The following MECOM variants were observed in gnomAD, a reference collection of about 807,000 sequenced individuals.
MECOM encodes MDS1 and EVI1 complex locus.
Under a neutral mutation model 116.3 loss-of-function variants are expected in MECOM, and 13 were observed. That is an observed-to-expected ratio of 0.11 (90% CI 0.07 to 0.18). The LOEUF (loss-of-function observed/expected upper bound fraction) is 0.18. Among genes scored for constraint, MECOM ranks in the 10% least tolerant of loss-of-function variants. The probability of loss-of-function intolerance (pLI) is 1.00; values close to 1 mark genes in which losing one functional copy is unlikely to be tolerated. For missense variants in MECOM, 1,299 were observed against 1,509.0 expected, an observed-to-expected ratio of 0.86 and a Z score of 2.31; for synonymous variants, 528 against 535.2, an observed-to-expected ratio of 0.99 and a Z score of 0.19.
chr3:169,172,169 G>A (rs927257393), intron 2 of MECOM, among the ~76,000 whole-genome samples: 2 of 151,674 alleles, frequency 1.3e-5, no homozygotes, highest in African/African-American at 4.8e-5. Flanking sequence ...CGATCTGAAA[G>A]AAAAATGTAA....
At chr3:169,110,994 T>C (rs1403957776) in intron 9 of MECOM, among the ~76,000 whole-genome samples, 1 of 152,208 alleles carries the variant, frequency 6.6e-6, no homozygotes, top group East Asian at 1.9e-4. Context: ...TCTCTTATGA[T>C]TTTATTTTAA....
intron 2 of MECOM, among the ~76,000 whole-genome samples, chr3:169,299,424 T>C (rs1716290671): frequency 6.6e-6 from 1 of 152,210 alleles, no homozygotes; most frequent in Non-Finnish European, 1.5e-5. Context: ...CAAAATGTTC[T>C]TGGAATAAAA....
intron 1 of MECOM, among the ~76,000 whole-genome samples, chr3:169,447,244 T>C (rs1004815685): frequency 6.6e-6 from 1 of 152,146 alleles, no homozygotes; most frequent in African/African-American, 2.4e-5. Flanking sequence ...ACCCATGCCC[T>C]AGAGTTCTCC....
chr3:169,578,770 G>C (rs2109515029), intron 1 of MECOM, among the ~76,000 whole-genome samples: 1 of 152,270 alleles, frequency 6.6e-6, no homozygotes. Flanking sequence ...GTACACAAAA[G>C]GGTATACTCT....
chr3:169,090,263 C>T (rs757977391), intron 14 of MECOM, 27 bp from the exon 15 acceptor site: 4 of 1,567,538 alleles, frequency 2.6e-6, no homozygotes, highest in African/African-American at 1.4e-5. Context: ...AAAAAAAGTC[C>T]AATTGTTGGT....
chr3:169,450,933 T>C (rs1745469943), intron 1 of MECOM, among the ~76,000 whole-genome samples: 1 of 152,226 alleles, frequency 6.6e-6, no homozygotes, highest in Non-Finnish European at 1.5e-5. Context: ...TATGGCATCC[T>C]ATGATATAAA....
rs542508886 is a variant in MECOM at position 169,432,322 on chromosome 3, C to T, written c.38-50798G>A. Among the ~76,000 whole-genome samples, 6 of 152,188 alleles carry T rather than the reference C, an allele frequency of 3.9e-5. No homozygotes were observed. The East Asian group carries it at 9.7e-4, about 25-fold the overall frequency. ...TACAGGGGTGCACCATCACACTCGG[C>T]TACTTTTGTATTTTTGGTAGAGACA... is the stretch of plus-strand genomic sequence containing the variant. On this transcript the variant is annotated intron_variant, in intron 1 of 16. Coordinates refer to ENST00000651503, the MANE Select transcript of MECOM (RefSeq NM_004991.4).
intron 1 of MECOM, among the ~76,000 whole-genome samples, chr3:169,472,798 T>C (rs1183059539): frequency 6.6e-6 from 1 of 152,044 alleles, no homozygotes; most frequent in Non-Finnish European, 1.5e-5. Flanking sequence ...GTTCATTTTT[T>C]CAAATTGTTC....
At chr3:169,300,792 A>G (rs1716559525) in intron 2 of MECOM, among the ~76,000 whole-genome samples, 1 of 152,206 alleles carries the variant, frequency 6.6e-6, no homozygotes, top group Non-Finnish European at 1.5e-5. Context: ...GGTTCCAACC[A>G]GAGGAGAGTA....
intron 4 of MECOM, among the ~76,000 whole-genome samples, chr3:169,129,710 A>G (rs2149192186): frequency 6.6e-6 from 1 of 152,254 alleles, no homozygotes; most frequent in South Asian, 2.1e-4. Context: ...CACAAGCAGA[A>G]TCTCTAGGCC....
At chr3:169,630,209 C>T (rs897580729) in intron 1 of MECOM, among the ~76,000 whole-genome samples, 1 of 152,158 alleles carries the variant, frequency 6.6e-6, no homozygotes, top group East Asian at 1.9e-4. Flanking sequence ...GAAAGCCAAA[C>T]CCCGGAACAA....
intron 1 of MECOM, among the ~76,000 whole-genome samples, chr3:169,419,064 A>C (rs188524289): frequency 1.3e-5 from 2 of 152,356 alleles, no homozygotes; most frequent in African/African-American, 4.8e-5. Flanking sequence ...ATACAAAATC[A>C]ATGTGCAAAA....
intron 2 of MECOM, among the ~76,000 whole-genome samples, chr3:169,164,238 A>G (rs1000510340): frequency 6.6e-6 from 1 of 151,982 alleles, no homozygotes; most frequent in Non-Finnish European, 1.5e-5. Flanking sequence ...ATGACAGTGA[A>G]TGAGTTTCAC....
At chr3:169,650,317 G>A (rs1442929432) in intron 1 of MECOM, among the ~76,000 whole-genome samples, 1 of 152,116 alleles carries the variant, frequency 6.6e-6, no homozygotes, top group Non-Finnish European at 1.5e-5. Context: ...GTTTTGGTGG[G>A]TCTAGTAGCA....
At chr3:169,376,907 C>T (rs115436183) in intron 2 of MECOM, among the ~76,000 whole-genome samples, 1,805 of 152,190 alleles carry the variant, frequency 0.012, 37 homozygotes, top group African/African-American at 0.04. Flanking sequence ...GGAGGTGTCA[C>T]GCTGCCTGAC....
At chr3:169,302,914 G>C (rs1717018781) in intron 2 of MECOM, among the ~76,000 whole-genome samples, 1 of 151,494 alleles carries the variant, frequency 6.6e-6, no homozygotes, top group Admixed American at 6.6e-5. Context: ...TACTAAACCA[G>C]ATAAAAGATT....
intron 2 of MECOM, among the ~76,000 whole-genome samples, chr3:169,356,143 T>C (rs980746963): frequency 1.3e-5 from 2 of 151,896 alleles, no homozygotes; most frequent in Non-Finnish European, 2.9e-5. Flanking sequence ...CCTTCTGTTC[T>C]TGAAACATTC....
chr3:169,432,165 C>CT (rs11410519), intron 1 of MECOM, among the ~76,000 whole-genome samples: 17,262 of 145,232 alleles, frequency 0.12, 1,243 homozygotes, highest in East Asian at 0.33. Flanking sequence ...GTACTACTGT[C>CT]TTTTTTTTTT....
chr3:169,443,900 GCTCCTCCACTCT>G (rs1744161901), intron 1 of MECOM, among the ~76,000 whole-genome samples: 1 of 152,076 alleles, frequency 6.6e-6, no homozygotes, highest in African/African-American at 2.4e-5. Context: ...GTTAGCTCTG[GCTCCTCCACTCT>G]CTTGAGGTCT....
Sources: allele counts gnomAD v4.1 joint callset (sites outside exome capture counted in the v4.1 genomes callset), GRCh38; gene constraint gnomAD v4.1.1; transcripts MANE v1.5; gene names NCBI Gene and HGNC (gene_info 2026-07-23, HGNC 2026-07-21).